The following ALK variants were observed in gnomAD, a reference collection of about 807,000 sequenced individuals.
ALK encodes ALK tyrosine kinase receptor.
In ALK, 74 loss-of-function variants were observed where a neutral mutation model predicts 163.1. The observed-to-expected ratio is 0.45, with a 90% CI of 0.38 to 0.55. ALK has a LOEUF of 0.55. Ranked by LOEUF, ALK falls within the 20% of genes least tolerant of loss-of-function variation. The probability of loss-of-function intolerance (pLI) is 0.00; values close to 1 mark genes in which losing one functional copy is unlikely to be tolerated. For missense variants in ALK, 2,063 were observed against 2,105.3 expected (o/e 0.98, Z 0.39); for synonymous variants, 960 against 843.2 (o/e 1.14, Z -2.40).
chr2:29,322,698 G>A (rs1667100473), intron 6 of ALK, among the ~76,000 whole-genome samples: 1 of 152,224 alleles, frequency 6.6e-6, no homozygotes, highest in Non-Finnish European at 1.5e-5. Flanking sequence ...GCCGGGTCTG[G>A]TGGTGGGTGC....
At chr2:29,229,654 T>G (rs142077569) in intron 15 of ALK, among the ~76,000 whole-genome samples, 1 of 152,052 alleles carries the variant, frequency 6.6e-6, no homozygotes, top group African/African-American at 2.4e-5. Context: ...TTGGGGATAA[T>G]AAGACCCACC....
Position 29,282,764 on chromosome 2 carries a change from G to A in ALK, c.1818-7268C>T, listed in dbSNP as rs139962265. 4.2e-3 allele frequency among the ~76,000 whole-genome samples: 634 copies of A among 152,276 alleles called. 4 individuals carry two copies. The highest frequency in any genetic ancestry group is 0.015 in the African/African-American group (613 of 41,554). ...GAGAAAATGAATTTTCAGCCAGGCT[G>A]AGCAAGCATGGAGAATCACTCAGAC... On this transcript the variant is annotated intron_variant, in intron 9 of 28. Coordinates refer to ENST00000389048, the MANE Select transcript of ALK (RefSeq NM_004304.5).
intron 3 of ALK, among the ~76,000 whole-genome samples, chr2:29,621,621 C>T (rs111483924): frequency 2.9e-3 from 445 of 152,346 alleles, no homozygotes; most frequent in African/African-American, 0.01. Flanking sequence ...TCATGTGGGA[C>T]CCTGGAAGGG....
intron 3 of ALK, among the ~76,000 whole-genome samples, chr2:29,569,526 A>G (rs1317713259): frequency 1.3e-5 from 2 of 151,742 alleles, no homozygotes; most frequent in African/African-American, 4.8e-5. Context: ...TGACTCAAAG[A>G]ACATGCCCAG....
At chr2:29,721,535 C>T (rs543727122) in intron 1 of ALK, among the ~76,000 whole-genome samples, 1 of 152,330 alleles carries the variant, frequency 6.6e-6, no homozygotes, top group Admixed American at 6.5e-5. Flanking sequence ...CTCCAATTCC[C>T]CATATGCTTC....
chr2:29,197,709 AT>A, intron 26 of ALK, 33 bp from the exon 27 acceptor site: 1 of 1,575,586 alleles, frequency 6.3e-7, no homozygotes, highest in Non-Finnish European at 8.7e-7. Flanking sequence ...GGAGATGGAT[AT>A]AGACACACCC....
intron 3 of ALK, among the ~76,000 whole-genome samples, 187 bp from the exon 4 acceptor site, chr2:29,532,303 G>A (rs537508211): frequency 5.2e-4 from 79 of 152,306 alleles, no homozygotes; most frequent in African/African-American, 1.9e-3. Context: ...ATAGCCTGAT[G>A]CAGGTGGACA....
chr2:29,778,143 G>A (rs995279310), intron 1 of ALK, among the ~76,000 whole-genome samples: 1 of 152,180 alleles, frequency 6.6e-6, no homozygotes, highest in Non-Finnish European at 1.5e-5. Flanking sequence ...AACAAGTCTA[G>A]GAGAAACCCC....
chr2:29,820,019 A>C (rs994738982), intron 1 of ALK, among the ~76,000 whole-genome samples: 1 of 152,220 alleles, frequency 6.6e-6, no homozygotes, highest in Non-Finnish European at 1.5e-5. Flanking sequence ...GATGGTTTTT[A>C]AATACATCCA....
At chr2:29,268,364 G>T (rs1173109554) in intron 11 of ALK, among the ~76,000 whole-genome samples, 1 of 152,170 alleles carries the variant, frequency 6.6e-6, no homozygotes, top group Non-Finnish European at 1.5e-5. Flanking sequence ...GTCAAGTGAG[G>T]GCACCTGTCC....
chr2:29,504,712 G>A (rs1490386543), intron 4 of ALK, among the ~76,000 whole-genome samples: 1 of 152,132 alleles, frequency 6.6e-6, no homozygotes, highest in Admixed American at 6.5e-5. Flanking sequence ...GAGAGACCTC[G>A]AGGCTCATCA....
chr2:29,534,448 T>G (rs1673201365), intron 3 of ALK, among the ~76,000 whole-genome samples: 1 of 152,148 alleles, frequency 6.6e-6, no homozygotes, highest in Non-Finnish European at 1.5e-5. Context: ...AGAGTCTTGC[T>G]CCAGACTCTT....
chr2:29,752,148 A>T (rs1680382259), intron 1 of ALK, among the ~76,000 whole-genome samples: 1 of 152,162 alleles, frequency 6.6e-6, no homozygotes, highest in South Asian at 2.1e-4. Flanking sequence ...AGCTATGTGC[A>T]TTCAGTAGAA....
intron 1 of ALK, among the ~76,000 whole-genome samples, chr2:29,889,935 C>T (rs1356425990): frequency 2.0e-5 from 3 of 152,112 alleles, no homozygotes; most frequent in Non-Finnish European, 4.4e-5. Flanking sequence ...AGCTGAAAAA[C>T]CAAGACAGCA....
At chr2:29,893,630 G>A (rs1667201068) in intron 1 of ALK, among the ~76,000 whole-genome samples, 1 of 152,128 alleles carries the variant, frequency 6.6e-6, no homozygotes, top group Admixed American at 6.5e-5. Context: ...TCCTGTTCAG[G>A]TCTGAATTCC....
At chr2:29,564,164 T>C (rs1674107131) in intron 3 of ALK, among the ~76,000 whole-genome samples, 2 of 151,152 alleles carry the variant, frequency 1.3e-5, no homozygotes, top group African/African-American at 4.9e-5. Flanking sequence ...GTGCGGTGAG[T>C]GGTGCGAGCT....
intron 5 of ALK, among the ~76,000 whole-genome samples, chr2:29,378,586 T>C (rs890492516): frequency 6.6e-6 from 1 of 152,090 alleles, no homozygotes; most frequent in Non-Finnish European, 1.5e-5. Context: ...GTTGTAAGGA[T>C]TGAATGAGTT....
intron 5 of ALK, among the ~76,000 whole-genome samples, chr2:29,346,093 T>C (rs1336460365): frequency 6.6e-6 from 1 of 152,230 alleles, no homozygotes; most frequent in East Asian, 1.9e-4. Flanking sequence ...AAAAGAAGCA[T>C]GAGTGAGTCA....
chr2:29,305,365 G>C (rs908466411), intron 8 of ALK, among the ~76,000 whole-genome samples: 3 of 152,190 alleles, frequency 2.0e-5, no homozygotes, highest in Non-Finnish European at 2.9e-5. Context: ...TACGGGGCTA[G>C]AACTACCCTC....
Sources: allele counts gnomAD v4.1 joint callset (sites outside exome capture counted in the v4.1 genomes callset), GRCh38; gene constraint gnomAD v4.1.1; transcripts MANE v1.5; gene names NCBI Gene and HGNC (gene_info 2026-07-23, HGNC 2026-07-21).